TRAPPC12: variants seen among roughly 807,000 people sequenced by gnomAD.
TRAPPC12 encodes the protein trafficking protein particle complex subunit 12, also known as TPR repeat protein 15.
A neutral mutation model predicts 69.2 loss-of-function variants in TRAPPC12; 61 were observed. The ratio of observed to expected loss-of-function variants is 0.88; its 90% CI spans 0.72 to 1.09. The LOEUF (loss-of-function observed/expected upper bound fraction) is 1.09. Ranked by LOEUF, TRAPPC12 falls within the 50% of genes least tolerant of loss-of-function variation. The pLI, the probability that TRAPPC12 is intolerant of heterozygous loss-of-function variation, is 0.00. For missense variants in TRAPPC12, 1,101 were observed against 1,016.4 expected (o/e 1.08, Z -1.13); for synonymous variants, 469 against 438.9 (o/e 1.07, Z -0.86).
At chr2:3,447,183 C>G (rs1446292242) in intron 6 of TRAPPC12, among the ~76,000 whole-genome samples, 1 of 151,962 alleles carries the variant, frequency 6.6e-6, no homozygotes, top group African/African-American at 2.4e-5. Flanking sequence ...ACTGCAACCT[C>G]CACCTCCCAG....
intron 5 of TRAPPC12, among the ~76,000 whole-genome samples, chr2:3,430,221 T>G (rs1036181764): frequency 6.6e-6 from 1 of 152,244 alleles, no homozygotes; most frequent in Non-Finnish European, 1.5e-5. Context: ...GCAATGGTGT[T>G]ATGGGCATCC....
At chr2:3,411,477 T>G (rs900441512) in intron 3 of TRAPPC12, among the ~76,000 whole-genome samples, 3 of 152,264 alleles carry the variant, frequency 2.0e-5, no homozygotes, top group African/African-American at 7.2e-5. Flanking sequence ...AAAAAAAGAT[T>G]GCTTATATAA....
chr2:3,477,549 A>C, intron 9 of TRAPPC12, 146 bp from the exon 10 acceptor site: 1 of 495,820 alleles, frequency 2.0e-6, no homozygotes, highest in Non-Finnish European at 3.6e-6. Flanking sequence ...CTTTTTATTA[A>C]AAAATGATTA....
chr2:3,457,603 C>G lies in TRAPPC12; in HGVS notation c.1531-18C>G. Reference sequence around the variant, plus strand: ...TTGGTTCCCATGATTTTGTCCTTCTCATTTGGAATGATTGCAGATCCTGGC... The same window carrying G: ...TTGGTTCCCATGATTTTGTCCTTCTGATTTGGAATGATTGCAGATCCTGGC... On this transcript the variant is annotated intron_variant, in intron 6 of 11. Transcript: ENST00000324266. 1.9e-6 allele frequency: 3 copies of G among 1,611,412 alleles called. No homozygotes were observed. The highest frequency in any genetic ancestry group is 2.5e-6 in the Non-Finnish European group (3 of 1,178,786).
chr2:3,460,593 A>G (rs1665435158), intron 8 of TRAPPC12: 1 of 437,736 alleles, frequency 2.3e-6, no homozygotes, highest in African/African-American at 2.0e-5. Flanking sequence ...AAATGATTTA[A>G]TTAAAAGTAT....
intron 5 of TRAPPC12, among the ~76,000 whole-genome samples, chr2:3,439,766 C>G (rs1299380708): frequency 6.6e-6 from 1 of 152,070 alleles, no homozygotes; most frequent in African/African-American, 2.4e-5. Flanking sequence ...TATCAGCAAA[C>G]CCAGGTCACT....
intron 2 of TRAPPC12, among the ~76,000 whole-genome samples, chr2:3,391,055 T>G (rs1660795687): frequency 6.6e-6 from 1 of 152,212 alleles, no homozygotes. Flanking sequence ...GCATGCATAG[T>G]ATGATAAAAT....
At chr2:3,435,514 C>A (rs1326812868) in intron 5 of TRAPPC12, among the ~76,000 whole-genome samples, 1 of 152,144 alleles carries the variant, frequency 6.6e-6, no homozygotes, top group Non-Finnish European at 1.5e-5. Flanking sequence ...AAAATATCCT[C>A]CCCACCTCCC....
chr2:3,391,836 C>T (rs779775303), intron 2 of TRAPPC12, among the ~76,000 whole-genome samples: 3 of 152,172 alleles, frequency 2.0e-5, no homozygotes, highest in Admixed American at 6.5e-5. Flanking sequence ...CTTCCCTTCT[C>T]TCTCGGGGTC....
chr2:3,447,111 T>C (rs2103108396), intron 6 of TRAPPC12, among the ~76,000 whole-genome samples: 1 of 152,196 alleles, frequency 6.6e-6, no homozygotes, highest in East Asian at 1.9e-4. Context: ...GCTTTTTTTT[T>C]TTTTCTTGAA....
intron 6 of TRAPPC12, among the ~76,000 whole-genome samples, chr2:3,449,770 A>G (rs1664753411): frequency 6.6e-6 from 1 of 152,176 alleles, no homozygotes; most frequent in African/African-American, 2.4e-5. Flanking sequence ...AGTTATTGCC[A>G]TCACCGTGCC....
At chr2:3,393,113 TAAA>T (rs11433361) in intron 2 of TRAPPC12, among the ~76,000 whole-genome samples, 4 of 150,316 alleles carry the variant, frequency 2.7e-5, no homozygotes, top group Non-Finnish European at 5.9e-5. Flanking sequence ...TGTCTCTTTT[TAAA>T]AAAAAAAATG....
At chr2:3,410,265 A>G (rs189351066) in intron 3 of TRAPPC12, among the ~76,000 whole-genome samples, 3 of 152,358 alleles carry the variant, frequency 2.0e-5, no homozygotes, top group African/African-American at 4.8e-5. Flanking sequence ...TGGAAAAATT[A>G]TATTGGGAGA....
intron 3 of TRAPPC12, among the ~76,000 whole-genome samples, chr2:3,418,069 A>G (rs931447271): frequency 6.9e-6 from 1 of 144,444 alleles, no homozygotes; most frequent in African/African-American, 2.6e-5. Flanking sequence ...ACATTGTCAT[A>G]GTGGCAGGCA....
intron 9 of TRAPPC12, among the ~76,000 whole-genome samples, chr2:3,473,112 T>C (rs1283649542): frequency 2.6e-5 from 4 of 152,214 alleles, no homozygotes; most frequent in Admixed American, 2.6e-4. Flanking sequence ...TCTGCACGGA[T>C]GCAGCCTAAT....
chr2:3,465,740 G>C, intron 9 of TRAPPC12, 45 bp downstream of exon 9: 1 of 1,334,310 alleles, frequency 7.5e-7, no homozygotes, highest in Non-Finnish European at 1.1e-6. Context: ...CCTTATGATA[G>C]TTCTTTGCTC....
chr2:3,436,574 A>G (rs1254600098), intron 5 of TRAPPC12, among the ~76,000 whole-genome samples: 7 of 152,034 alleles, frequency 4.6e-5, no homozygotes, highest in Non-Finnish European at 8.8e-5. Context: ...TGATAAACCA[A>G]TAGCGGTACA....
intron 2 of TRAPPC12, among the ~76,000 whole-genome samples, chr2:3,396,710 C>G (rs1661152408): frequency 6.6e-6 from 1 of 152,114 alleles, no homozygotes; most frequent in Non-Finnish European, 1.5e-5. Context: ...TTTCTTCAGA[C>G]TTTTTAGTTT....
rs1268332441 is a variant in TRAPPC12, at chr2:3,388,305, A to G, written c.682A>G (p.Thr228Ala). Residue 228 changes from threonine (T) to alanine (A), a missense_variant, in exon 2 of 12, where the codon ACT (threonine) becomes GCT (alanine). Thr to Ala is a moderately conservative substitution (Grantham distance 58, BLOSUM62 0). Transcript: ENST00000324266. ...GGCCTCGGACTTCTTCGACTCCTTT[A>G]CTACCTCCGCCTTCATTTCCGTCAG... The part of the protein sequence containing the change: ...SLASDFFDSF[T>A]TSAFISVSNP... The G allele has an allele frequency of 6.2e-6, 10 of 1,605,328 alleles. No homozygotes were observed. Among genetic ancestry groups the G allele is most frequent in the Admixed American group, 1.7e-5 (1 of 59,512 alleles).
Sources: allele counts gnomAD v4.1 joint callset (sites outside exome capture counted in the v4.1 genomes callset), GRCh38; gene constraint gnomAD v4.1.1; transcripts MANE v1.5; gene names NCBI Gene and HGNC (gene_info 2026-07-23, HGNC 2026-07-21).